The following PABIR1 variants were observed in gnomAD, a reference collection of about 807,000 sequenced individuals.
PABIR1 encodes PPP2R1A-PPP2R2A-interacting phosphatase regulator 1.
Under a neutral mutation model 14.6 loss-of-function variants are expected in PABIR1, and 2 were observed. The observed-to-expected ratio is 0.14, with a 90% CI of 0.06 to 0.43. PABIR1 has a LOEUF of 0.43. Among genes scored for constraint, PABIR1 ranks in the 20% least tolerant of loss-of-function variants. The pLI, the probability that PABIR1 is intolerant of heterozygous loss-of-function variation, is 0.99. For missense variants in PABIR1, 294 were observed against 379.0 expected (o/e 0.78, Z 1.86); for synonymous variants, 163 against 155.4 (o/e 1.05, Z -0.36).
rs1412287323 is a variant in PABIR1, at chr9:68,784,465, G to A, written c.*3437G>A. On this transcript the variant is annotated 3_prime_UTR_variant, in exon 1 of 1. Transcript: ENST00000394264. ...TTAGGACCCTTAAGCATACTTAAAA[G>A]ATTGATTGTAATCAAGAATAACTTG... 1 of 166,704 alleles carries A rather than the reference G, an allele frequency of 6.0e-6. No homozygotes were observed. Among genetic ancestry groups the A allele is most frequent in the Non-Finnish European group, 1.5e-5 (1 of 68,122 alleles). The allele number at this position is 166,704 out of a possible 1,614,324, so 10.3% of individuals were successfully genotyped here.
At position 68,780,405 on chromosome 9, in the gene PABIR1, C is replaced by T; in HGVS notation, c.241C>T (p.His81Tyr). The T allele has an allele frequency of 6.2e-7, 1 of 1,613,950 alleles. No homozygotes were observed. Among genetic ancestry groups the T allele is most frequent in the Non-Finnish European group, 8.5e-7 (1 of 1,180,034 alleles). Residue 81 changes from histidine (H) to tyrosine (Y), a missense_variant, in exon 1 of 1, where the codon CAC becomes TAC. Coordinates refer to ENST00000394264, the MANE Select transcript of PABIR1 (RefSeq NM_138333.5). ...LLLPASPVRM[H>Y]SSRLHQIKQE... The stretch of plus-strand genomic sequence containing the variant: ...GCTGCCGGCCTCCCCTGTCCGCATG[C>T]ACAGCAGCCGCTTGCACCAGATCAA...
chr9:68,780,276 GC>G lies in PABIR1; in HGVS notation c.118del (p.Leu40Ter). The G allele has an allele frequency of 6.3e-7, 1 of 1,577,808 alleles. No individual in the cohort carries two copies. The highest frequency in any genetic ancestry group is 8.6e-7 in the Non-Finnish European group (1 of 1,164,358). On this transcript the variant is annotated frameshift_variant, in exon 1 of 1. Coordinates refer to ENST00000394264, the MANE Select transcript of PABIR1 (RefSeq NM_138333.5). LOFTEE classifies it high-confidence loss of function. ...CGGGGGCCTCAGGAGGTCTAACAGC[GC>G]CCCCCTGATCCACGGCCTCAGTGAC... Reference protein sequence around the residue: ...GGGGLRRSNSAPLIHGLSDTS... With the variant: ...GGGGLRRSNSXPLIHGLSDTS...
rs902783015 is a variant in PABIR1, at chr9:68,785,072, G to C, written c.*4044G>C. On this transcript the variant is annotated 3_prime_UTR_variant, in exon 1 of 1. Coordinates refer to ENST00000394264, the MANE Select transcript of PABIR1 (RefSeq NM_138333.5). ...TAAGGACAAGTAGAAGGCTTATTAG[G>C]CTATGATGGATGCCAGGTTGCAGTT... 6.6e-6 allele frequency among the ~76,000 whole-genome samples: 1 copy of C among 152,108 alleles called. No individual in the cohort carries two copies. The highest frequency in any genetic ancestry group is 1.5e-5 in the Non-Finnish European group (1 of 68,024).
rs1027357694 is a variant in PABIR1, at chr9:68,784,175, C to T, written c.*3147C>T. On this transcript the variant is annotated 3_prime_UTR_variant, in exon 1 of 1. Transcript: ENST00000394264. ...CAATTTACGTTATCATAGTATTGTTCATAACGTCCATCATTATTCTGTAGA... is the reference window on the plus strand; with the variant it reads ...CAATTTACGTTATCATAGTATTGTTTATAACGTCCATCATTATTCTGTAGA... 3.0e-5 allele frequency: 5 copies of T among 167,072 alleles called. No individual in the cohort carries two copies. The highest frequency in any genetic ancestry group is 1.3e-4 in the Admixed American group (2 of 15,288). 10.3% of individuals were successfully genotyped at this position (167,072 alleles called of 1,614,324 possible).
chr9:68,781,245 A>G lies in PABIR1; in HGVS notation c.*217A>G, dbSNP rs958544207. 3 of 587,208 alleles carry G rather than the reference A, an allele frequency of 5.1e-6. No homozygotes were observed. The highest frequency in any genetic ancestry group is 3.5e-5 in the Admixed American group (1 of 28,764). The allele number at this position is 587,208 out of a possible 1,614,324, so 36.4% of individuals were successfully genotyped here. A position where few individuals can be genotyped will look rare whatever the true frequency, so the allele number is the denominator to read the frequency against. On this transcript the variant is annotated 3_prime_UTR_variant, in exon 1 of 1. Coordinates refer to ENST00000394264, the MANE Select transcript of PABIR1 (RefSeq NM_138333.5). ...AGTAATATTTTCAGACGTTTCCCCA[A>G]TAAGTGTGTTGAAGCATACATCTTT... is the stretch of plus-strand genomic sequence containing the variant.
In PABIR1 at chr9:68,781,460, C is replaced by T; in HGVS notation, c.*432C>T. 1 of 175,138 alleles carries T rather than the reference C, an allele frequency of 5.7e-6. No individual in the cohort carries two copies. The highest frequency in any genetic ancestry group is 1.4e-5 in the Non-Finnish European group (1 of 73,230). The allele number at this position is 175,138 out of a possible 1,614,324, so 10.8% of individuals were successfully genotyped here. A position where few individuals can be genotyped will look rare whatever the true frequency, so the allele number is the denominator to read the frequency against. ...TTTTTAATGTTATTTTCAGTGGTTG[C>T]CGATTTCCATTTGATGAAGAACTAT... is the stretch of plus-strand genomic sequence containing the variant. On this transcript the variant is annotated 3_prime_UTR_variant, in exon 1 of 1. Coordinates refer to ENST00000394264, the MANE Select transcript of PABIR1 (RefSeq NM_138333.5).
Position 68,780,573 on chromosome 9 carries a change from A to C in PABIR1, c.409A>C (p.Ile137Leu), listed in dbSNP as rs767358169. The change falls in exon 1 of 1, where the codon ATC becomes CTC. Residue 137 changes from isoleucine to leucine, a missense_variant. Coordinates refer to ENST00000394264, the MANE Select transcript of PABIR1 (RefSeq NM_138333.5). ...GGAGAAATCCGCCTCCCCCAAGCGC[A>C]TCGATTTCATTCCTGTGTCACCAGC... ...DVEKSASPKR[I>L]DFIPVSPAPS... 3 of 1,614,172 alleles carry C rather than the reference A, an allele frequency of 1.9e-6. No homozygotes were observed. The highest frequency in any genetic ancestry group is 2.5e-6 in the Non-Finnish European group (3 of 1,180,032).
Position 68,781,060 on chromosome 9 carries a change from G to A in PABIR1, c.*32G>A, listed in dbSNP as rs781239140. On this transcript the variant is annotated 3_prime_UTR_variant, in exon 1 of 1. Coordinates refer to ENST00000394264, the MANE Select transcript of PABIR1 (RefSeq NM_138333.5). ...CATCCTGAGACTTTCTTTTTGCAGT[G>A]GAGAGAGAGAATAATCTAGTTGGGG... 3.2e-5 allele frequency: 50 copies of A among 1,585,900 alleles called. No individual in the cohort carries two copies. The highest frequency in any genetic ancestry group is 5.7e-5 in the South Asian group (5 of 86,960).
At position 68,780,825 on chromosome 9, in the gene PABIR1, A is replaced by G; in HGVS notation, c.661A>G (p.Ile221Val). 3 of 1,614,254 alleles carry G rather than the reference A, an allele frequency of 1.9e-6. No individual in the cohort carries two copies. Among genetic ancestry groups the G allele is most frequent in the South Asian group, 2.2e-5 (2 of 91,088 alleles). ...TCAGCCAAAGAGATTTTTCCAGGGCATCACCAACATGCTTTCTTCTGACGT... is the reference window on the plus strand; with the variant it reads ...TCAGCCAAAGAGATTTTTCCAGGGCGTCACCAACATGCTTTCTTCTGACGT... ...EYQPKRFFQGITNMLSSDVAQ... is the reference protein window; with the variant it reads ...EYQPKRFFQGVTNMLSSDVAQ... The change falls in exon 1 of 1, where the codon ATC becomes GTC. Residue 221 changes from isoleucine (I) to valine (V), a missense_variant. Physicochemically the swap from Ile to Val is conservative, Grantham distance 29. Transcript: ENST00000394264.
At position 68,780,494 on chromosome 9, in the gene PABIR1, A is replaced by G; in HGVS notation, c.330A>G (p.Ala110=). 1.2e-6 allele frequency: 2 copies of G among 1,614,202 alleles called. No individual in the cohort carries two copies. The highest frequency in any genetic ancestry group is 1.7e-6 in the Non-Finnish European group (2 of 1,180,040). ...ETVHEREVQT[A]MQISHSWEES... ...TCCACGAACGGGAGGTGCAGACCGC[A>G]ATGCAGATAAGCCACTCCTGGGAGG... The change falls in exon 1 of 1, where the codon GCA becomes GCG. Residue 110 remains alanine (A), a synonymous_variant. Coordinates refer to ENST00000394264, the MANE Select transcript of PABIR1 (RefSeq NM_138333.5).
rs1831320928 is a variant in PABIR1, at chr9:68,782,063, G to T, written c.*1035G>T. On this transcript the variant is annotated 3_prime_UTR_variant, in exon 1 of 1. Transcript: ENST00000394264. Reference sequence around the variant, plus strand: ...TGCTCTGCCCATCTGTCACCTTACTGGTTTTCCCTTGTTCAGGAAGGAAGC... The same window carrying T: ...TGCTCTGCCCATCTGTCACCTTACTTGTTTTCCCTTGTTCAGGAAGGAAGC... 6.0e-6 allele frequency: 1 copy of T among 167,042 alleles called. No homozygotes were observed. Among genetic ancestry groups the T allele is most frequent in the Non-Finnish European group, 1.5e-5 (1 of 68,122 alleles). 10.3% of individuals were successfully genotyped at this position (167,042 alleles called of 1,614,324 possible).
In PABIR1 at chr9:68,781,090, C is replaced by G. The variant is rs1447573690; in HGVS notation, c.*62C>G. The G allele has an allele frequency of 3.3e-6, 5 of 1,527,290 alleles. No individual in the cohort carries two copies. In the East Asian group the frequency reaches 1.1e-4, roughly 35 times the overall value. The allele number at this position is 1,527,290 out of a possible 1,614,324, so 94.6% of individuals were successfully genotyped here. A position where few individuals can be genotyped will look rare whatever the true frequency, so the allele number is the denominator to read the frequency against. ...GAGAGAATAATCTAGTTGGGGCAAA[C>G]ACTGAACTTTGTCAATTAATTTGAG... On this transcript the variant is annotated 3_prime_UTR_variant, in exon 1 of 1. Transcript: ENST00000394264.
rs553387436 is a variant in PABIR1, at chr9:68,780,359, C to T, written c.195C>T (p.Phe65=). 5.0e-6 allele frequency: 8 copies of T among 1,612,272 alleles called. No homozygotes were observed. The highest frequency in any genetic ancestry group is 2.2e-5 in the East Asian group (1 of 44,872). The change falls in exon 1 of 1, where the codon TTC becomes TTT. Residue 65 remains phenylalanine (F), a synonymous_variant. Transcript: ENST00000394264. ...GCGCCAGGCGGAACAGCACAACGTT[C>T]CCGAGCCGCCACGGCCTGCTGCTGC... ...APSARRNSTT[F]PSRHGLLLPA...
chr9:68,780,714 A>C lies in PABIR1; in HGVS notation c.550A>C (p.Thr184Pro), dbSNP rs760428557. Residue 184 changes from threonine to proline, a missense_variant, in exon 1 of 1, where the codon ACC (threonine) becomes CCC (proline). Transcript: ENST00000394264. ...TCCCAGCCCAACGACCCGATTTACC[A>C]CCCGGAGAAGCCAGAGCCCCATCAA... ...PIPSPTTRFT[T>P]RRSQSPINCI... 2 of 1,613,998 alleles carry C rather than the reference A, an allele frequency of 1.2e-6. No homozygotes were observed. Among genetic ancestry groups the C allele is most frequent in the African/African-American group, 1.3e-5 (1 of 74,870 alleles).
chr9:68,780,106 C>G lies in PABIR1; in HGVS notation c.-59C>G. On this transcript the variant is annotated 5_prime_UTR_variant, in exon 1 of 1. Transcript: ENST00000394264. Reference sequence around the variant, plus strand: ...CGGCAGCGGCGGCGGCCCTGGACTGCGGGGAATGGGAATCCTAGGTCCCTG... The same window carrying G: ...CGGCAGCGGCGGCGGCCCTGGACTGGGGGGAATGGGAATCCTAGGTCCCTG... 15 of 1,473,566 alleles carry G rather than the reference C, an allele frequency of 1.0e-5. No homozygotes were observed. The highest frequency in any genetic ancestry group is 1.3e-5 in the Non-Finnish European group (15 of 1,117,566). The allele number at this position is 1,473,566 out of a possible 1,614,324, so 91.3% of individuals were successfully genotyped here.
chr9:68,781,103 C>A lies in PABIR1; in HGVS notation c.*75C>A. Reference sequence around the variant, plus strand: ...AGTTGGGGCAAACACTGAACTTTGTCAATTAATTTGAGGCTATTTCCTATT... The same window carrying A: ...AGTTGGGGCAAACACTGAACTTTGTAAATTAATTTGAGGCTATTTCCTATT... On this transcript the variant is annotated 3_prime_UTR_variant, in exon 1 of 1. Transcript: ENST00000394264. 6.6e-7 allele frequency: 1 copy of A among 1,506,834 alleles called. No individual in the cohort carries two copies. The highest frequency in any genetic ancestry group is 8.9e-7 in the Non-Finnish European group (1 of 1,122,092). 93.3% of individuals were successfully genotyped at this position (1,506,834 alleles called of 1,614,324 possible). A position where few individuals can be genotyped will look rare whatever the true frequency, so the allele number is the denominator to read the frequency against.
rs1831468962 is a variant in PABIR1 at position 68,784,109 on chromosome 9, G to A, written c.*3081G>A. ...TGTAAGCTTATTCTTCTATATAGAT[G>A]GGAAGTTTTTAAATCAGATAAGGTT... On this transcript the variant is annotated 3_prime_UTR_variant, in exon 1 of 1. Coordinates refer to ENST00000394264, the MANE Select transcript of PABIR1 (RefSeq NM_138333.5). The A allele has an allele frequency of 6.0e-6, 1 of 167,078 alleles. No individual in the cohort carries two copies. Among genetic ancestry groups the A allele is most frequent in the Non-Finnish European group, 1.5e-5 (1 of 68,126 alleles). The allele number at this position is 167,078 out of a possible 1,614,324, so 10.3% of individuals were successfully genotyped here.
rs186919384 is a variant in PABIR1, at chr9:68,783,721, C to T, written c.*2693C>T. 6.0e-6 allele frequency: 1 copy of T among 167,200 alleles called. No individual in the cohort carries two copies. Among genetic ancestry groups the T allele is most frequent in the Admixed American group, 6.5e-5 (1 of 15,304 alleles). The allele number at this position is 167,200 out of a possible 1,614,324, so 10.4% of individuals were successfully genotyped here. ...TTCTACCTCTATTGCCACTCTGATC[C>T]AGGCTACCAGCATTTCCCTCTTAGG... On this transcript the variant is annotated 3_prime_UTR_variant, in exon 1 of 1. Transcript: ENST00000394264.
chr9:68,783,899 T>C lies in PABIR1; in HGVS notation c.*2871T>C, dbSNP rs190233475. 1 of 163,526 alleles carries C rather than the reference T, an allele frequency of 6.1e-6. No homozygotes were observed. The highest frequency in any genetic ancestry group is 2.5e-5 in the African/African-American group (1 of 40,192). 10.1% of individuals were successfully genotyped at this position (163,526 alleles called of 1,614,324 possible). A position where few individuals can be genotyped will look rare whatever the true frequency, so the allele number is the denominator to read the frequency against. ...AGCTGAACGCTTTTCATTTGCTTCC[T>C]GTTCTCATGAGTATGCCAAAATGTA... On this transcript the variant is annotated 3_prime_UTR_variant, in exon 1 of 1. Coordinates refer to ENST00000394264, the MANE Select transcript of PABIR1 (RefSeq NM_138333.5).
Sources: allele counts gnomAD v4.1 joint callset (sites outside exome capture counted in the v4.1 genomes callset), GRCh38; gene constraint gnomAD v4.1.1; transcripts MANE v1.5; gene names NCBI Gene and HGNC (gene_info 2026-07-23, HGNC 2026-07-21).